Variants in TNFSF10 observed in about 807,000 individuals in gnomAD.
TNFSF10 encodes tumor necrosis factor ligand superfamily member 10.
Under a neutral mutation model 29.5 loss-of-function variants are expected in TNFSF10, and 13 were observed. That is an observed-to-expected ratio of 0.44 (90% CI 0.29 to 0.70). The LOEUF (loss-of-function observed/expected upper bound fraction) is 0.70. Ranked by LOEUF, TNFSF10 falls within the 30% of genes least tolerant of loss-of-function variation. TNFSF10 has a pLI of 0.13. For missense variants in TNFSF10, 345 were observed against 330.9 expected (o/e 1.04, Z -0.33); for synonymous variants, 111 against 112.8 (o/e 0.98, Z 0.10).
chr3:172,506,998 C>T (rs1399850482), intron 4 of TNFSF10, 79 bp from the exon 5 acceptor site: 8 of 1,310,916 alleles, frequency 6.1e-6, no homozygotes, highest in Non-Finnish European at 8.2e-6. Flanking sequence ...CAGCTGTGGC[C>T]AGCCTATATT....
At chr3:172,507,658 A>G (rs1305028410) in intron 4 of TNFSF10, among the ~76,000 whole-genome samples, 1 of 152,214 alleles carries the variant, frequency 6.6e-6, no homozygotes, top group Non-Finnish European at 1.5e-5. Context: ...ATGAGTAGCA[A>G]GCAGTAACAT....
intron 2 of TNFSF10, among the ~76,000 whole-genome samples, chr3:172,513,525 T>C (rs755323589): frequency 5.3e-5 from 8 of 152,214 alleles, no homozygotes; most frequent in Non-Finnish European, 8.8e-5. Flanking sequence ...TTTCTAGGAC[T>C]CCTAGAAGGA....
At chr3:172,511,001 C>T (rs977338418) in intron 3 of TNFSF10, among the ~76,000 whole-genome samples, 2 of 152,082 alleles carry the variant, frequency 1.3e-5, no homozygotes, top group Admixed American at 6.5e-5. Context: ...GTGACAATTA[C>T]GTGAGCTGTA....
chr3:172,517,932 C>G, intron 1 of TNFSF10: 1 of 985,356 alleles, frequency 1.0e-6, no homozygotes, highest in African/African-American at 1.7e-5. Flanking sequence ...CCCAGTCACT[C>G]TCTCCACCCT....
chr3:172,512,736 G>A (rs1361363562), intron 2 of TNFSF10, among the ~76,000 whole-genome samples: 1 of 152,154 alleles, frequency 6.6e-6, no homozygotes, highest in East Asian at 1.9e-4. Flanking sequence ...GCAACAGAAA[G>A]GAAGGAAAGA....
chr3:172,523,011 T>G (rs772756599), intron 1 of TNFSF10, among the ~76,000 whole-genome samples: 2 of 152,206 alleles, frequency 1.3e-5, no homozygotes, highest in Non-Finnish European at 2.9e-5. Context: ...CTCAGGAGTT[T>G]TGTTGCCCAC....
intron 1 of TNFSF10, chr3:172,518,477 A>T (rs1305680633): frequency 7.8e-7 from 1 of 1,288,104 alleles, no homozygotes; most frequent in Admixed American, 2.3e-5. Context: ...TGCAAATAGC[A>T]TAAAGGATCA....
chr3:172,510,409 C>T (rs948776143), intron 3 of TNFSF10, among the ~76,000 whole-genome samples: 2 of 152,086 alleles, frequency 1.3e-5, no homozygotes, highest in Admixed American at 1.3e-4. Context: ...GAGCCATGAT[C>T]GTACCACTGC....
rs1161779466 is a variant in TNFSF10 at position 172,518,449 on chromosome 3, C to A, written c.133-3451G>T. On this transcript the variant is annotated intron_variant, in intron 1 of 4. Coordinates refer to ENST00000241261, the MANE Select transcript of TNFSF10 (RefSeq NM_003810.4). ...CTGCTGCCCAGACATTAGTCTCTGG[C>A]AATCATTTTCTGCAAACTGCAAATA... 5 of 1,289,316 alleles carry A rather than the reference C, an allele frequency of 3.9e-6. No homozygotes were observed. In the East Asian group the frequency reaches 2.2e-4, roughly 57 times the overall value. The allele number at this position is 1,289,316 out of a possible 1,614,324, so 79.9% of individuals were successfully genotyped here.
rs1449583929 is a variant in TNFSF10 at position 172,505,847 on chromosome 3, C to T, written c.*645G>A. On this transcript the variant is annotated 3_prime_UTR_variant, in exon 5 of 5. Coordinates refer to ENST00000241261, the MANE Select transcript of TNFSF10 (RefSeq NM_003810.4). ...GTTCAAACAATTCTCTTGCCTCAGC[C>T]TCTCAAGTAGCTGGGACTACAGGCA... 1 of 152,160 alleles carries T rather than the reference C, an allele frequency of 6.6e-6. No individual in the cohort carries two copies. Among genetic ancestry groups the T allele is most frequent in the East Asian group, 1.9e-4 (1 of 5,182 alleles). 9.4% of individuals were successfully genotyped at this position (152,160 alleles called of 1,614,324 possible).
intron 1 of TNFSF10, chr3:172,522,583 G>A (rs1241979850): frequency 2.3e-6 from 1 of 441,030 alleles, no homozygotes; most frequent in Non-Finnish European, 4.1e-6. Context: ...TACAGTGTAA[G>A]CTCCAGTCCC....
At chr3:172,506,975 AG>A in intron 4 of TNFSF10, 56 bp from the exon 5 acceptor site, 1 of 1,385,790 alleles carries the variant, frequency 7.2e-7, no homozygotes, top group Non-Finnish European at 9.4e-7. Flanking sequence ...TAGCAAAGCA[AG>A]GAGCTTTTTT....
chr3:172,522,208 TA>T (rs1004669820), intron 1 of TNFSF10: 1 of 432,032 alleles, frequency 2.3e-6, no homozygotes. Flanking sequence ...TAAAGTAAAA[TA>T]AAAAAATTTA....
intron 1 of TNFSF10, among the ~76,000 whole-genome samples, chr3:172,522,948 A>G (rs1577017475): frequency 6.6e-6 from 1 of 152,362 alleles, no homozygotes; most frequent in Admixed American, 6.5e-5. Flanking sequence ...TTTCATGAAG[A>G]GTTGCAATGG....
At chr3:172,521,582 A>G (rs1713699740) in intron 1 of TNFSF10, among the ~76,000 whole-genome samples, 1 of 152,234 alleles carries the variant, frequency 6.6e-6, no homozygotes, top group African/African-American at 2.4e-5. Context: ...AGAAATAGGA[A>G]TGCTTTTACA....
chr3:172,507,752 A>C (rs1713044644), intron 4 of TNFSF10, among the ~76,000 whole-genome samples: 1 of 152,200 alleles, frequency 6.6e-6, no homozygotes, highest in African/African-American at 2.4e-5. Context: ...GCAACTACCC[A>C]GAAGAAACTA....
intron 2 of TNFSF10, among the ~76,000 whole-genome samples, chr3:172,512,986 T>C (rs913594094): frequency 1.3e-5 from 2 of 152,330 alleles, no homozygotes; most frequent in East Asian, 3.9e-4. Context: ...AATGAGATAA[T>C]GTATGAAATG....
chr3:172,507,245 G>A (rs1353568815), intron 4 of TNFSF10: 4 of 266,740 alleles, frequency 1.5e-5, no homozygotes, highest in Non-Finnish European at 2.1e-5. Context: ...GTTTCTCCTG[G>A]GCAGAACTTC....
chr3:172,506,687 A>C lies in TNFSF10; in HGVS notation c.651T>G (p.Pro217=), dbSNP rs201155372. The C allele has an allele frequency of 6.2e-7, 1 of 1,614,206 alleles. No homozygotes were observed. Among genetic ancestry groups the C allele is most frequent in the East Asian group, 2.2e-5 (1 of 44,880 alleles). ...CACTTTTCATCAACAATATAGGGTCAGGATAACTTGTGTATTTGTAAATAT... is the reference window on the plus strand; with the variant it reads ...CACTTTTCATCAACAATATAGGGTCCGGATAACTTGTGTATTTGTAAATAT... ...VQYIYKYTSY[P]DPILLMKSAR... Residue 217 remains proline (P), a synonymous_variant, in exon 5 of 5, where the codon CCT becomes CCG. Coordinates refer to ENST00000241261, the MANE Select transcript of TNFSF10 (RefSeq NM_003810.4).
Sources: allele counts gnomAD v4.1 joint callset (sites outside exome capture counted in the v4.1 genomes callset), GRCh38; gene constraint gnomAD v4.1.1; transcripts MANE v1.5; gene names NCBI Gene and HGNC (gene_info 2026-07-23, HGNC 2026-07-21).